The following ACTR3C variants were observed in gnomAD, a reference collection of about 807,000 sequenced individuals.
ACTR3C encodes actin-related protein 3C.
A neutral mutation model predicts 26.3 loss-of-function variants in ACTR3C; 18 were observed. That is an observed-to-expected ratio of 0.68 (90% confidence interval 0.47 to 1.01). The LOEUF (loss-of-function observed/expected upper bound fraction) is 1.01. Among genes scored for constraint, ACTR3C ranks in the 50% least tolerant of loss-of-function variants. The pLI is 0.00. For missense variants in ACTR3C, 184 were observed against 250.7 expected (o/e 0.73, Z 1.80); for synonymous variants, 55 against 94.5 (o/e 0.58, Z 2.42).
intron 6 of ACTR3C, among the ~76,000 whole-genome samples, chr7:150,265,878 T>C (rs1276278339): frequency 1.3e-5 from 2 of 152,120 alleles, no homozygotes; most frequent in African/African-American, 4.8e-5. Context: ...GAGTAACTTA[T>C]ATACATCATG....
the ACTR3C span, among the ~76,000 whole-genome samples, chr7:150,171,410 A>G: frequency 2.7e-5 from 4 of 150,926 alleles, no homozygotes; most frequent in African/African-American, 1.0e-4. Context: ...TCAAAGAAGA[A>G]ATTTAAAAAC....
the ACTR3C span, among the ~76,000 whole-genome samples, chr7:150,171,317 C>T: frequency 1.3e-5 from 2 of 149,816 alleles, no homozygotes; most frequent in African/African-American, 2.5e-5. Flanking sequence ...ACAGCAAGAT[C>T]GCTGGAATAT....
At chr7:150,128,585 G>A in the ACTR3C span, among the ~76,000 whole-genome samples, 9 of 151,606 alleles carry the variant, frequency 5.9e-5, no homozygotes, top group East Asian at 1.2e-3. Context: ...AGCCTCATGC[G>A]CTACCTAGGG....
chr7:150,054,592 A>G, the ACTR3C span, among the ~76,000 whole-genome samples: 1 of 152,250 alleles, frequency 6.6e-6, no homozygotes, highest in Non-Finnish European at 1.5e-5. Flanking sequence ...GGGAGCACAA[A>G]GCAGTCTCTT....
chr7:150,294,219 G>A (rs6968789), intron 2 of ACTR3C, among the ~76,000 whole-genome samples: 33,243 of 151,864 alleles, frequency 0.22, 5,565 homozygotes, highest in African/African-American at 0.46. Flanking sequence ...CATTTTCTTC[G>A]TCGGGGCGGG....
At chr7:149,927,430 TAAA>T in the ACTR3C span, among the ~76,000 whole-genome samples, 10 of 133,150 alleles carry the variant, frequency 7.5e-5, no homozygotes, top group African/African-American at 2.2e-4. Flanking sequence ...AATGACTATT[TAAA>T]AAAAAAAAAA....
chr7:150,285,844 G>C (rs563659051), intron 5 of ACTR3C, among the ~76,000 whole-genome samples: 8 of 152,266 alleles, frequency 5.3e-5, no homozygotes, highest in African/African-American at 1.7e-4. Context: ...TAGTTAAAAT[G>C]ATGACATTTC....
intron 6 of ACTR3C, among the ~76,000 whole-genome samples, chr7:150,252,276 G>A (rs920994668): frequency 6.6e-6 from 1 of 152,208 alleles, no homozygotes; most frequent in Non-Finnish European, 1.5e-5. Flanking sequence ...AAGTTCTTTG[G>A]AGAACATGGA....
the ACTR3C span, among the ~76,000 whole-genome samples, chr7:150,230,455 G>T: frequency 1.3e-5 from 2 of 152,112 alleles, no homozygotes; most frequent in Non-Finnish European, 2.9e-5. Flanking sequence ...CCAATCCATG[G>T]CCTGTTAGTA....
At chr7:150,224,150 A>C in the ACTR3C span, among the ~76,000 whole-genome samples, 1 of 152,168 alleles carries the variant, frequency 6.6e-6, no homozygotes, top group Non-Finnish European at 1.5e-5. Context: ...GCTTTATTCA[A>C]TTGATTAGAT....
intron 4 of ACTR3C, among the ~76,000 whole-genome samples, chr7:150,287,268 A>G (rs1037651016): frequency 5.3e-5 from 8 of 152,056 alleles, no homozygotes; most frequent in African/African-American, 1.9e-4. Flanking sequence ...ATAAGCAACC[A>G]TAATAAGTAA....
the ACTR3C span, among the ~76,000 whole-genome samples, chr7:150,115,136 G>A: frequency 1.1e-4 from 16 of 152,198 alleles, no homozygotes; most frequent in East Asian, 1.7e-3. Context: ...ATTATTCAAC[G>A]TCTACTAGAG....
chr7:150,163,024 C>T, the ACTR3C span, among the ~76,000 whole-genome samples: 2 of 151,912 alleles, frequency 1.3e-5, no homozygotes, highest in African/African-American at 4.8e-5. Context: ...TGTGGTGGTG[C>T]ACACCTGTAA....
At chr7:150,043,713 A>G in the ACTR3C span, among the ~76,000 whole-genome samples, 15 of 152,374 alleles carry the variant, frequency 9.8e-5, no homozygotes, top group African/African-American at 3.1e-4. Context: ...GGGATCAAGT[A>G]GACAGTTGAA....
the ACTR3C span, among the ~76,000 whole-genome samples, chr7:150,221,073 G>A: frequency 3.8e-3 from 582 of 152,396 alleles, 5 homozygotes; most frequent in African/African-American, 0.013. Context: ...CGGCACCCGG[G>A]CTCGTTAGCC....
chr7:150,125,913 G>A, the ACTR3C span, among the ~76,000 whole-genome samples: 1 of 152,196 alleles, frequency 6.6e-6, no homozygotes, highest in Non-Finnish European at 1.5e-5. Context: ...ACACTCCAGA[G>A]TGACAACTTA....
At chr7:149,999,746 T>C in the ACTR3C span, among the ~76,000 whole-genome samples, 7 of 151,066 alleles carry the variant, frequency 4.6e-5, no homozygotes, top group African/African-American at 1.7e-4. Flanking sequence ...GACAGGCAGC[T>C]GCAGTGAACG....
the ACTR3C span, among the ~76,000 whole-genome samples, chr7:150,125,376 G>C: frequency 2.0e-5 from 3 of 149,336 alleles, no homozygotes; most frequent in East Asian, 6.0e-4. Context: ...TGGGTAAAAT[G>C]ATCCCCACTT....
At chr7:149,967,028 ATTTTT>A in the ACTR3C span, among the ~76,000 whole-genome samples, 1,453 of 64,716 alleles carry the variant, frequency 0.022, 39 homozygotes, top group African/African-American at 0.073. Context: ...TGCACAGCTA[ATTTTT>A]TTTTTTTTTT....
Sources: gnomAD v4.1 joint callset for allele counts (sites outside exome capture counted in the v4.1 genomes callset) on GRCh38, gnomAD v4.1.1 for gene constraint, MANE v1.5 for transcripts, NCBI Gene and HGNC (gene_info 2026-07-23, HGNC 2026-07-21) for gene names.